Variants in MTMR10 observed in about 807,000 individuals in gnomAD.
The protein encoded by MTMR10 is myotubularin-related protein 10.
In MTMR10, 56 loss-of-function variants were observed where a neutral mutation model predicts 88.1. That is an observed-to-expected ratio of 0.64 (90% CI 0.51 to 0.79). The LOEUF (loss-of-function observed/expected upper bound fraction) is 0.79, where lower values mean the gene tolerates loss of function less well. Ranked by LOEUF, MTMR10 falls within the 30% of genes least tolerant of loss-of-function variation. The pLI is 0.00. For missense variants in MTMR10, 883 were observed against 924.7 expected (o/e 0.95, Z 0.58); for synonymous variants, 380 against 340.9 (o/e 1.11, Z -1.26).
intron 9 of MTMR10, 97 bp downstream of exon 9, chr15:30,958,766 A>C (rs2063360572): frequency 7.9e-7 from 1 of 1,261,374 alleles, no homozygotes; most frequent in African/African-American, 1.5e-5. Context: ...CTAATTAGTA[A>C]GACTATGCAT....
chr15:30,979,490 A>T (rs1440282312), intron 2 of MTMR10, among the ~76,000 whole-genome samples: 1 of 152,044 alleles, frequency 6.6e-6, no homozygotes, highest in Non-Finnish European at 1.5e-5. Flanking sequence ...AGGCAGGAGA[A>T]CTGCTTGAAC....
intron 6 of MTMR10, chr15:30,966,102 G>A (rs2063468869): frequency 2.2e-6 from 1 of 450,378 alleles, no homozygotes; most frequent in African/African-American, 2.0e-5. Context: ...ACAAAACTAT[G>A]GCCAGTGTTA....
intron 5 of MTMR10, among the ~76,000 whole-genome samples, chr15:30,972,134 A>C (rs919969029): frequency 2.0e-5 from 3 of 152,200 alleles, no homozygotes; most frequent in African/African-American, 7.2e-5. Flanking sequence ...TAAAATAGCA[A>C]AGCATTTTCC....
intron 10 of MTMR10, among the ~76,000 whole-genome samples, chr15:30,953,841 T>A (rs1400645006): frequency 5.3e-5 from 8 of 152,222 alleles, no homozygotes; most frequent in Non-Finnish European, 1.0e-4. Context: ...CTCCATCATC[T>A]TCTCTCTCGC....
intron 11 of MTMR10, among the ~76,000 whole-genome samples, chr15:30,952,778 A>T (rs573979195): frequency 1.2e-3 from 184 of 151,754 alleles, no homozygotes; most frequent in African/African-American, 4.3e-3. Flanking sequence ...AGCTACCACA[A>T]CCGGCCCCAC....
intron 2 of MTMR10, among the ~76,000 whole-genome samples, chr15:30,984,953 A>T (rs1459625689): frequency 6.6e-6 from 1 of 152,150 alleles, no homozygotes; most frequent in Non-Finnish European, 1.5e-5. Context: ...CCTCTACTGA[A>T]GCATCTCTCC....
At chr15:30,935,745 G>A (rs891479619), downstream of MTMR10, among the ~76,000 whole-genome samples, 5 of 151,822 alleles carry the variant, frequency 3.3e-5, no homozygotes, top group African/African-American at 4.9e-5. Flanking sequence ...TATTTTCTCC[G>A]TGCAATGAAT....
intron 2 of MTMR10, among the ~76,000 whole-genome samples, chr15:30,987,560 AATTT>A (rs2031018984): frequency 6.6e-6 from 1 of 152,214 alleles, no homozygotes; most frequent in African/African-American, 2.4e-5. Context: ...TTTGTGTTCT[AATTT>A]TCATCTGCTT....
intron 5 of MTMR10, 36 bp from the exon 6 acceptor site, chr15:30,968,046 C>T: frequency 4.2e-6 from 6 of 1,437,598 alleles, no homozygotes; most frequent in Non-Finnish European, 5.7e-6. Context: ...TTGATTTTAA[C>T]ACACTTAGTT....
chr15:30,961,648 G>A (rs1002899561), intron 6 of MTMR10, among the ~76,000 whole-genome samples: 1 of 152,062 alleles, frequency 6.6e-6, no homozygotes, highest in African/African-American at 2.4e-5. Flanking sequence ...GCCTTCAAAC[G>A]TAAACAGGTC....
rs771732352 is a variant in MTMR10 at position 30,991,499 on chromosome 15, G to A, written c.8C>T (p.Ser3Phe). 5.9e-6 allele frequency: 9 copies of A among 1,526,380 alleles called. No homozygotes were observed. The highest frequency in any genetic ancestry group is 2.9e-5 in the African/African-American group (2 of 68,598). 94.6% of individuals were successfully genotyped at this position (1,526,380 alleles called of 1,614,324 possible). ...GAAGGTGGGTTTGGGCGGCTTGAGG[G>A]AGAACATGGTGCCGCCGCCTTTTCG... MF[S>F]LKPPKPTFRS... Residue 3 changes from serine (S) to phenylalanine (F), a missense_variant, in exon 1 of 16, where the codon TCC becomes TTC. By Grantham distance (155) the Ser-to-Phe change is radical (BLOSUM62 -2). Around this residue, in one of 3 missense-constraint regions of MTMR10, gnomAD observed 414 missense variants for 423.2 expected, o/e 0.98. Coordinates refer to ENST00000435680, the MANE Select transcript of MTMR10 (RefSeq NM_017762.3).
At chr15:30,950,920 G>A (rs2063235696) in intron 12 of MTMR10, among the ~76,000 whole-genome samples, 1 of 152,080 alleles carries the variant, frequency 6.6e-6, no homozygotes, top group Non-Finnish European at 1.5e-5. Flanking sequence ...CAATGTAAAT[G>A]CTATGTAAAC....
chr15:30,976,477 T>C (rs2030159563), intron 3 of MTMR10, among the ~76,000 whole-genome samples: 1 of 152,158 alleles, frequency 6.6e-6, no homozygotes, highest in Non-Finnish European at 1.5e-5. Context: ...GTGGCATTTA[T>C]AAAATCATTT....
chr15:30,964,833 G>T (rs1216517109), intron 6 of MTMR10, among the ~76,000 whole-genome samples: 1 of 151,742 alleles, frequency 6.6e-6, no homozygotes, highest in East Asian at 1.9e-4. Flanking sequence ...CAGTACAAAA[G>T]TCTAATCCTA....
At chr15:30,962,915 TG>T (rs1350030274) in intron 6 of MTMR10, among the ~76,000 whole-genome samples, 1 of 152,008 alleles carries the variant, frequency 6.6e-6, no homozygotes. Context: ...AGGTAGCTGG[TG>T]AGGAGGAGGT....
the MTMR10 span, chr15:30,920,681 C>G: frequency 7.5e-7 from 1 of 1,327,820 alleles, no homozygotes; most frequent in East Asian, 2.3e-5. Flanking sequence ...TGCCCCCCAC[C>G]ATTACTGATG....
chr15:30,942,806 CTTTACT>C, intron 15 of MTMR10, 78 bp downstream of exon 15: 3 of 1,365,282 alleles, frequency 2.2e-6, no homozygotes, highest in African/African-American at 1.5e-5. Flanking sequence ...TTGGAAGTGC[CTTTACT>C]TTTAACGCTC....
At chr15:30,977,002 C>A in intron 2 of MTMR10, 47 bp from the exon 3 acceptor site, 1 of 1,572,890 alleles carries the variant, frequency 6.4e-7, no homozygotes, top group Non-Finnish European at 8.7e-7. Flanking sequence ...CATAAAATAC[C>A]AACGGTCTTT....
the MTMR10 span, among the ~76,000 whole-genome samples, chr15:30,919,361 C>T: frequency 8.7e-6 from 1 of 115,256 alleles, no homozygotes; most frequent in Non-Finnish European, 1.7e-5. Flanking sequence ...GCCTGGGCCA[C>T]GAGCAAAACT....
Sources: allele counts gnomAD v4.1 joint callset (sites outside exome capture counted in the v4.1 genomes callset), GRCh38; gene constraint gnomAD v4.1.1; regional missense constraint gnomAD v4.1.1; transcripts MANE v1.5; gene names NCBI Gene and HGNC (gene_info 2026-07-23, HGNC 2026-07-21).